The following EML1 variants were observed in gnomAD, a reference collection of about 807,000 sequenced individuals.
The protein encoded by EML1 is EMAP like 1.
EML1 carries 27 observed loss-of-function variants against 110.4 expected under a neutral mutation model. That is an observed-to-expected ratio of 0.24 (90% confidence interval 0.18 to 0.34). The LOEUF is 0.34. Ranked by LOEUF, EML1 falls within the 10% of genes least tolerant of loss-of-function variation. The pLI, the probability that EML1 is intolerant of heterozygous loss-of-function variation, is 1.00. For synonymous variants in EML1, 344 were observed against 385.8 expected, an observed-to-expected ratio of 0.89 and a Z score of 1.27; for missense variants, 741 against 1,030.9, an observed-to-expected ratio of 0.72 and a Z score of 3.85.
chr14:99,807,963 C>T (rs1566875216), intron 1 of EML1, among the ~76,000 whole-genome samples: 1 of 152,152 alleles, frequency 6.6e-6, no homozygotes, highest in Non-Finnish European at 1.5e-5. Flanking sequence ...ACTCTGTGGT[C>T]ATGCTTTATC....
In EML1 at chr14:99,901,042, A is replaced by G. The variant is rs557900669; in HGVS notation, c.1008+3A>G. 14 of 1,610,428 alleles carry G rather than the reference A, an allele frequency of 8.7e-6. No homozygotes were observed. Among genetic ancestry groups the G allele is most frequent in the Non-Finnish European group, 1.2e-5 (14 of 1,176,806 alleles). ...CCTGTATTGCATTCTCAAAATCTGT[A>G]AGTATGTGCCCTGTGGATATTGCTG... On this transcript the variant is annotated splice_donor_region_variant and intron_variant, in intron 9 of 21. Transcript: ENST00000262233.
intron 4 of EML1, among the ~76,000 whole-genome samples, chr14:99,880,853 G>A (rs537456230): frequency 7.2e-5 from 11 of 152,282 alleles, no homozygotes; most frequent in African/African-American, 1.9e-4. Context: ...ATTATCCAGC[G>A]TAGGGCTTGG....
chr14:99,900,445 C>T (rs1234912309), intron 8 of EML1, among the ~76,000 whole-genome samples: 2 of 152,142 alleles, frequency 1.3e-5, no homozygotes, highest in Non-Finnish European at 2.9e-5. Context: ...CCTCAGCCTC[C>T]CAAAGTGCTG....
intron 1 of EML1, among the ~76,000 whole-genome samples, chr14:99,797,188 G>A (rs942571600): frequency 6.6e-6 from 1 of 152,074 alleles, no homozygotes; most frequent in Non-Finnish European, 1.5e-5. Flanking sequence ...TTATTTAAAT[G>A]GAATTATAGA....
At chr14:99,747,424 G>C (rs932123607) in intron 1 of EML1, among the ~76,000 whole-genome samples, 4 of 152,028 alleles carry the variant, frequency 2.6e-5, no homozygotes, top group Non-Finnish European at 5.9e-5. Context: ...CTGGCCTGAT[G>C]GGGGGCAGGG....
upstream of EML1, chr14:99,792,985 TCCGTGGCGGAGGTTACCCCGGG>T (rs1312379220): frequency 6.6e-6 from 1 of 151,910 alleles, no homozygotes; most frequent in East Asian, 2.0e-4. Flanking sequence ...GGCTTGGGTG[TCCGTGGCGGAGGTTACCCCGGG>T]CCCCACGCGC....
At chr14:99,802,009 T>C (rs941326346) in intron 1 of EML1, among the ~76,000 whole-genome samples, 2 of 152,170 alleles carry the variant, frequency 1.3e-5, no homozygotes, top group African/African-American at 4.8e-5. Flanking sequence ...TAGGTTGTTC[T>C]AAGAAGTGTA....
intron 1 of EML1, among the ~76,000 whole-genome samples, chr14:99,739,952 C>T (rs183308403): frequency 1.1e-4 from 17 of 152,306 alleles, no homozygotes; most frequent in Admixed American, 1.1e-3. Context: ...GGCACTGTGC[C>T]TCAGTTTCCC....
At chr14:99,881,445 T>TA (rs1281134431) in intron 4 of EML1, among the ~76,000 whole-genome samples, 4 of 152,182 alleles carry the variant, frequency 2.6e-5, no homozygotes, top group Admixed American at 6.5e-5. Flanking sequence ...TAATAATACT[T>TA]ACAGCAGATA....
At chr14:99,775,006 T>G (rs2057466321) in intron 1 of EML1, among the ~76,000 whole-genome samples, 2 of 152,194 alleles carry the variant, frequency 1.3e-5, no homozygotes, top group Non-Finnish European at 2.9e-5. Context: ...AAAGCTTTTC[T>G]GTTTAAAAAA....
chr14:99,808,036 G>C (rs1325715823), intron 1 of EML1, among the ~76,000 whole-genome samples: 2 of 152,128 alleles, frequency 1.3e-5, no homozygotes, highest in Non-Finnish European at 2.9e-5. Context: ...CCGGCCTACA[G>C]ACTATCCCTG....
intron 3 of EML1, among the ~76,000 whole-genome samples, chr14:99,872,895 T>A (rs2059229061): frequency 6.6e-6 from 1 of 152,210 alleles, no homozygotes; most frequent in African/African-American, 2.4e-5. Flanking sequence ...ATGTTTGTTT[T>A]CTTTTCTCCG....
intron 17 of EML1, among the ~76,000 whole-genome samples, chr14:99,921,290 T>C (rs1250528770): frequency 4.6e-5 from 7 of 152,202 alleles, no homozygotes; most frequent in Non-Finnish European, 8.8e-5. Context: ...CCATGGTGTA[T>C]ATATACCACA....
chr14:99,778,134 C>A (rs531044965), intron 1 of EML1, among the ~76,000 whole-genome samples: 20 of 152,252 alleles, frequency 1.3e-4, no homozygotes, highest in African/African-American at 4.8e-4. Context: ...CTGTTAATGT[C>A]CTGCCAGGAA....
chr14:99,875,061 A>G (rs2059267353), intron 3 of EML1: 1 of 1,442,774 alleles, frequency 6.9e-7, no homozygotes. Context: ...TTAACGTAGT[A>G]GCTTCAAGGT....
chr14:99,934,516 G>A (rs2060432359), intron 17 of EML1, among the ~76,000 whole-genome samples: 1 of 152,260 alleles, frequency 6.6e-6, no homozygotes, highest in African/African-American at 2.4e-5. Flanking sequence ...CAGGAAAGAA[G>A]GAGGGGAGAA....
At chr14:99,740,615 C>T (rs1003529823) in intron 1 of EML1, among the ~76,000 whole-genome samples, 3 of 152,196 alleles carry the variant, frequency 2.0e-5, no homozygotes, top group African/African-American at 4.8e-5. Context: ...GTATTTATAG[C>T]AGGAACTCTC....
intron 1 of EML1, among the ~76,000 whole-genome samples, chr14:99,848,095 T>G (rs2058734253): frequency 6.6e-6 from 1 of 152,202 alleles, no homozygotes; most frequent in African/African-American, 2.4e-5. Context: ...TGTACCTCTG[T>G]TACTCTTTTC....
At chr14:99,806,316 CTTTTTT>C (rs1198890041) in intron 1 of EML1, among the ~76,000 whole-genome samples, 1 of 87,774 alleles carries the variant, frequency 1.1e-5, no homozygotes, top group Non-Finnish European at 2.1e-5. Context: ...TCTCCAGAAT[CTTTTTT>C]TTTTTTTTTT....
Sources: gnomAD v4.1 joint callset for allele counts (sites outside exome capture counted in the v4.1 genomes callset) on GRCh38, gnomAD v4.1.1 for gene constraint, MANE v1.5 for transcripts, NCBI Gene and HGNC (gene_info 2026-07-23, HGNC 2026-07-21) for gene names.